LLGL2: variants seen among roughly 807,000 people sequenced by gnomAD.
The protein encoded by LLGL2 is LLGL scribble cell polarity complex component 2, also known as LLGL2, scribble cell polarity complex component.
LLGL2 carries 81 observed loss-of-function variants against 123.2 expected under a neutral mutation model. The ratio of observed to expected loss-of-function variants is 0.66; its 90% CI spans 0.55 to 0.79. The LOEUF is 0.79. LLGL2 is among the 30% of genes least tolerant of loss of function. The pLI, the probability that LLGL2 is intolerant of heterozygous loss-of-function variation, is 0.00. For missense variants in LLGL2, 1,273 were observed against 1,414.6 expected (o/e 0.90, Z 1.61); for synonymous variants, 577 against 594.1 (o/e 0.97, Z 0.42).
chr17:75,560,822 A>AC (rs1420124727), intron 6 of LLGL2, among the ~76,000 whole-genome samples: 6 of 88,824 alleles, frequency 6.8e-5, no homozygotes, highest in South Asian at 5.4e-4. Context: ...AAAAAAAAAA[A>AC]AAAAAAAAAA....
intron 2 of LLGL2, chr17:75,546,020 A>G (rs1226986166): frequency 6.6e-6 from 1 of 152,216 alleles, no homozygotes; most frequent in East Asian, 1.9e-4. Flanking sequence ...GTGACAACCA[A>G]GAATGTTTCC....
chr17:75,573,720 G>C (rs1312630011), intron 21 of LLGL2, 89 bp downstream of exon 21: 1 of 1,387,564 alleles, frequency 7.2e-7, no homozygotes, highest in Non-Finnish European at 9.7e-7. Context: ...TGCCTGGCTG[G>C]AGGCACCTCC....
intron 2 of LLGL2, chr17:75,546,225 G>A (rs966725359): frequency 1.3e-5 from 2 of 152,376 alleles, no homozygotes; most frequent in Non-Finnish European, 2.9e-5. Context: ...GAGTGGCGAA[G>A]AACAGATTTG....
At position 75,559,821 on chromosome 17, in the gene LLGL2, G is replaced by T. The variant is rs144804870; in HGVS notation, c.530+411G>T. 1.3e-4 allele frequency among the ~76,000 whole-genome samples: 20 copies of T among 152,280 alleles called. No homozygotes were observed. Among genetic ancestry groups the T allele is most frequent in the African/African-American group, 3.9e-4 (16 of 41,552 alleles). ...TACTTTGCTGAGGTTCCATTTGCTC[G>T]CAAGCTCCGTGGCTAAAAAGCCTTG... On this transcript the variant is annotated intron_variant, in intron 6 of 25. Coordinates refer to ENST00000392550, the MANE Select transcript of LLGL2 (RefSeq NM_001031803.2). This position sits in a 1 kb window ranked among gnomAD's most constrained non-coding sequence, Gnocchi z 4.6.
At position 75,558,741 on chromosome 17, in the gene LLGL2, A is replaced by G. The variant is rs949761554; in HGVS notation, c.371+114A>G. ...TGTTGCGCCCCTGGCAGTGACTGGCATGCGTTTGGCCCGATGCATCGCCAC... is the reference window on the plus strand; with the variant it reads ...TGTTGCGCCCCTGGCAGTGACTGGCGTGCGTTTGGCCCGATGCATCGCCAC... On this transcript the variant is annotated intron_variant, in intron 5 of 25. Transcript: ENST00000392550. The surrounding 1 kb of genome is among the most constrained non-coding windows in gnomAD (Gnocchi z 4.0). The G allele has an allele frequency of 1.3e-5, 11 of 835,196 alleles. No homozygotes were observed. The highest frequency in any genetic ancestry group is 8.0e-5 in the East Asian group (3 of 37,298). 51.7% of individuals were successfully genotyped at this position (835,196 alleles called of 1,614,324 possible). A position where few individuals can be genotyped will look rare whatever the true frequency, so the allele number is the denominator to read the frequency against.
intron 1 of LLGL2, chr17:75,532,373 C>T (rs942430111): frequency 6.6e-6 from 1 of 152,158 alleles, no homozygotes; most frequent in Admixed American, 6.6e-5. Flanking sequence ...GACTCAGGCT[C>T]CCGAGTAGCT....
chr17:75,528,739 A>AAAACAAAT (rs144347921), intron 1 of LLGL2, among the ~76,000 whole-genome samples: 1 of 151,462 alleles, frequency 6.6e-6, no homozygotes. Context: ...ACTCCATCTC[A>AAAACAAAT]AAACAAACAA....
chr17:75,558,327 C>A lies in LLGL2; in HGVS notation c.255+91C>A. 2.9e-6 allele frequency: 4 copies of A among 1,359,606 alleles called. No individual in the cohort carries two copies. Among genetic ancestry groups the A allele is most frequent in the Admixed American group, 3.7e-5 (2 of 54,618 alleles). The allele number at this position is 1,359,606 out of a possible 1,614,324, so 84.2% of individuals were successfully genotyped here. On this transcript the variant is annotated intron_variant, in intron 4 of 25. Coordinates refer to ENST00000392550, the MANE Select transcript of LLGL2 (RefSeq NM_001031803.2). The surrounding 1 kb of genome is among the most constrained non-coding windows in gnomAD (Gnocchi z 4.0). ...GGGCTGGTGTGGAGAGGCTGGCATT[C>A]GGTGGCCCTGGGTTTGCTGCTGATG...
chr17:75,527,793 T>C (rs1031533209), intron 1 of LLGL2, among the ~76,000 whole-genome samples: 17 of 151,764 alleles, frequency 1.1e-4, no homozygotes, highest in Admixed American at 2.6e-4. Context: ...TTTTCTTTTT[T>C]TGAGGCAGAG....
rs1476924133 is a variant in LLGL2 at position 75,525,925 on chromosome 17, C to T, written c.-31+100C>T. On this transcript the variant is annotated intron_variant, in intron 1 of 25. Coordinates refer to ENST00000392550, the MANE Select transcript of LLGL2 (RefSeq NM_001031803.2). This position sits in a 1 kb window ranked among gnomAD's most constrained non-coding sequence, Gnocchi z 4.8. ...GGCCCAGGACCCCTGGGCTGTCGGG[C>T]CAGGGCGGGAGGGCTGCGCCCAGGT... The T allele has an allele frequency of 6.6e-6, 1 of 152,104 alleles. No individual in the cohort carries two copies. Among genetic ancestry groups the T allele is most frequent in the Non-Finnish European group, 1.5e-5 (1 of 68,022 alleles). The allele number at this position is 152,104 out of a possible 1,614,324, so 9.4% of individuals were successfully genotyped here. A position where few individuals can be genotyped will look rare whatever the true frequency, so the allele number is the denominator to read the frequency against.
Position 75,571,573 on chromosome 17 carries a change from C to A in LLGL2, c.2177-94C>A. ...GTTGTCAGAGAGCCTTCCAGCCTCT[C>A]CCAGGAGGGAAAACCTGGGAGTAAA... is the stretch of plus-strand genomic sequence containing the variant. On this transcript the variant is annotated intron_variant, in intron 17 of 25. Coordinates refer to ENST00000392550, the MANE Select transcript of LLGL2 (RefSeq NM_001031803.2). The A allele has an allele frequency of 4.4e-6, 4 of 914,624 alleles. No individual in the cohort carries two copies. In the South Asian group the frequency reaches 5.7e-5, roughly 13 times the overall value. The allele number at this position is 914,624 out of a possible 1,614,324, so 56.7% of individuals were successfully genotyped here.
intron 2 of LLGL2, among the ~76,000 whole-genome samples, chr17:75,548,894 GCCTGA>G (rs1377968385): frequency 6.6e-6 from 1 of 152,124 alleles, no homozygotes; most frequent in Non-Finnish European, 1.5e-5. Context: ...TTCAAACGGT[GCCTGA>G]CACAGGTCGA....
At position 75,562,638 on chromosome 17, in the gene LLGL2, G is replaced by A. The variant is rs143832162; in HGVS notation, c.531-378G>A. ...GGCTGGAGTGCAGTGGCACGATCTCGGCTCACTGCAACCTCCGCCTCCTGG... is the reference window on the plus strand; with the variant it reads ...GGCTGGAGTGCAGTGGCACGATCTCAGCTCACTGCAACCTCCGCCTCCTGG... On this transcript the variant is annotated intron_variant, in intron 6 of 25. Transcript: ENST00000392550. 2,312 of 235,482 alleles carry A rather than the reference G, an allele frequency of 9.8e-3. 54 individuals are homozygous for A. The highest frequency in any genetic ancestry group is 0.043 in the African/African-American group (1,932 of 45,046). The allele number at this position is 235,482 out of a possible 1,614,324, so 14.6% of individuals were successfully genotyped here. A position where few individuals can be genotyped will look rare whatever the true frequency, so the allele number is the denominator to read the frequency against.
At position 75,572,043 on chromosome 17, in the gene LLGL2, C is replaced by G; in HGVS notation, c.2439C>G (p.Val813=). 6.2e-7 allele frequency: 1 copy of G among 1,611,846 alleles called. No homozygotes were observed. The highest frequency in any genetic ancestry group is 8.5e-7 in the Non-Finnish European group (1 of 1,179,928). Residue 813 remains valine, a synonymous_variant, in exon 19 of 26, where the codon GTC becomes GTG. Coordinates refer to ENST00000392550, the MANE Select transcript of LLGL2 (RefSeq NM_001031803.2). ...PDMQGSHQLL[V]VSEEQFKVFT... Reference sequence around the variant, plus strand: ...TGCAGGGAAGCCACCAGCTGCTCGTCGTATCAGAGGAGCAGTTCAAGGTGC... The same window carrying G: ...TGCAGGGAAGCCACCAGCTGCTCGTGGTATCAGAGGAGCAGTTCAAGGTGC...
intron 2 of LLGL2, among the ~76,000 whole-genome samples, chr17:75,555,128 GA>G (rs1260259029): frequency 1.3e-5 from 2 of 149,668 alleles, no homozygotes; most frequent in Non-Finnish European, 3.0e-5. Context: ...AGTGAGCCGA[GA>G]TCGCACCACT....
rs1382825261 is a variant in LLGL2 at position 75,573,995 on chromosome 17, C to T, written c.2905+15C>T. The T allele has an allele frequency of 6.4e-7, 1 of 1,550,650 alleles. No individual in the cohort carries two copies. On this transcript the variant is annotated intron_variant, in intron 22 of 25. Transcript: ENST00000392550. Reference sequence around the variant, plus strand: ...TGATGGCGAGGGTAAGACAGGCCTCCTGGGCTCATGCACACCTGGGCCACA... The same window carrying T: ...TGATGGCGAGGGTAAGACAGGCCTCTTGGGCTCATGCACACCTGGGCCACA...
intron 2 of LLGL2, 61 bp from the exon 3 acceptor site, chr17:75,555,985 C>A: frequency 7.4e-7 from 1 of 1,346,290 alleles, no homozygotes; most frequent in Non-Finnish European, 1.1e-6. Context: ...GCAGCTGCAG[C>A]AGCCATGGTG....
At chr17:75,545,511 G>A (rs1450222773) in intron 2 of LLGL2, among the ~76,000 whole-genome samples, 1 of 152,102 alleles carries the variant, frequency 6.6e-6, no homozygotes, top group Non-Finnish European at 1.5e-5. Flanking sequence ...CATCCGGCTC[G>A]GGGAGTGTGG....
At chr17:75,530,218 TCTGG>T (rs888965099) in intron 1 of LLGL2, among the ~76,000 whole-genome samples, 5 of 152,136 alleles carry the variant, frequency 3.3e-5, no homozygotes, top group Admixed American at 1.3e-4. Context: ...TTTTAAAGTC[TCTGG>T]CTGGGCATTT....
Sources: gnomAD v4.1 joint callset for allele counts (sites outside exome capture counted in the v4.1 genomes callset) on GRCh38, gnomAD v4.1.1 for gene constraint, Gnocchi (gnomAD v3.1) non-coding constraint, MANE v1.5 for transcripts, NCBI Gene and HGNC (gene_info 2026-07-23, HGNC 2026-07-21) for gene names.